The following CECR2 variants were observed in gnomAD, a reference collection of about 807,000 sequenced individuals.
CECR2 encodes chromatin remodeling regulator CECR2.
Under a neutral mutation model 154.5 loss-of-function variants are expected in CECR2, and 30 were observed. That is an observed-to-expected ratio of 0.19 (90% CI 0.15 to 0.26). CECR2 has a LOEUF of 0.26. CECR2 is among the 10% of genes least tolerant of loss of function. The probability of loss-of-function intolerance (pLI) is 1.00; values close to 1 mark genes in which losing one functional copy is unlikely to be tolerated. For synonymous variants in CECR2, 725 were observed against 683.7 expected (o/e 1.06, Z -0.94); for missense variants, 1,743 against 1,829.3 (o/e 0.95, Z 0.86).
chr22:17,375,615 G>A (rs1231906112), intron 1 of CECR2, among the ~76,000 whole-genome samples: 2 of 151,532 alleles, frequency 1.3e-5, no homozygotes, highest in African/African-American at 4.9e-5. Flanking sequence ...TTTAAAACAG[G>A]GTGATTAGTA....
chr22:17,434,125 A>G (rs1601350589), intron 1 of CECR2, among the ~76,000 whole-genome samples: 1 of 148,356 alleles, frequency 6.7e-6, no homozygotes, highest in South Asian at 2.2e-4. Flanking sequence ...GTGTCAGGCC[A>G]CTTTTTCTGT....
At chr22:17,513,852 G>A (rs530009132) in intron 8 of CECR2, among the ~76,000 whole-genome samples, 4 of 152,324 alleles carry the variant, frequency 2.6e-5, no homozygotes, top group African/African-American at 9.6e-5. Context: ...AGACTGCATA[G>A]CAGGCTGAAT....
At chr22:17,372,921 T>TC (rs1343934692) in intron 1 of CECR2, among the ~76,000 whole-genome samples, 11 of 152,286 alleles carry the variant, frequency 7.2e-5, no homozygotes, top group African/African-American at 2.4e-4. Context: ...GGACTCGGCT[T>TC]CCATTTATCT....
At chr22:17,402,335 T>C (rs555993520) in intron 1 of CECR2, among the ~76,000 whole-genome samples, 2 of 152,288 alleles carry the variant, frequency 1.3e-5, no homozygotes, top group East Asian at 3.9e-4. Flanking sequence ...CATTTTAGAT[T>C]TATAGAATAG....
chr22:17,419,039 C>T (rs1056699657), intron 1 of CECR2: 3 of 163,404 alleles, frequency 1.8e-5, no homozygotes, highest in South Asian at 1.4e-4. Context: ...ACCGCGGAGG[C>T]GCCTTCCCAG....
At chr22:17,518,633 T>C in intron 8 of CECR2, 1 of 434,154 alleles carries the variant, frequency 2.3e-6, no homozygotes, top group Non-Finnish European at 4.7e-6. Context: ...GGCTTGGCAC[T>C]CCATGCACAC....
chr22:17,510,239 A>G (rs112379656), intron 7 of CECR2, among the ~76,000 whole-genome samples: 15 of 152,308 alleles, frequency 9.8e-5, no homozygotes, highest in African/African-American at 3.4e-4. Context: ...TTTTGCAACT[A>G]TCATGGTAAA....
chr22:17,427,274 T>C (rs1160421346), intron 1 of CECR2, among the ~76,000 whole-genome samples: 1 of 152,164 alleles, frequency 6.6e-6, no homozygotes, highest in Non-Finnish European at 1.5e-5. Context: ...GATAGACATT[T>C]GGGTTGATTC....
At chr22:17,424,680 T>G (rs904977571) in intron 1 of CECR2, 9 of 161,402 alleles carry the variant, frequency 5.6e-5, no homozygotes, top group African/African-American at 2.2e-4. Flanking sequence ...GTGCTCATCG[T>G]CCCCCTGTGG....
Position 17,424,661 on chromosome 22 carries a change from G to A in CECR2, c.127-52927G>A, listed in dbSNP as rs1229902495. The A allele has an allele frequency of 2.5e-5, 4 of 163,190 alleles. No individual in the cohort carries two copies. In the East Asian group the frequency reaches 5.8e-4, roughly 24 times the overall value. 10.1% of individuals were successfully genotyped at this position (163,190 alleles called of 1,614,324 possible). ...CAAAGTACACTCAGAAATGGAAGGC[G>A]ATGTCTGAGTGCTCATCGTCCCCCT... On this transcript the variant is annotated intron_variant, in intron 1 of 18. Transcript: ENST00000262608.
chr22:17,517,046 T>G (rs1378979778), intron 8 of CECR2, among the ~76,000 whole-genome samples: 1 of 151,334 alleles, frequency 6.6e-6, no homozygotes, highest in Non-Finnish European at 1.5e-5. Context: ...GCCTGGCTAA[T>G]TTTTGTATTT....
chr22:17,457,582 A>G (rs551380829), intron 1 of CECR2, among the ~76,000 whole-genome samples: 14 of 152,246 alleles, frequency 9.2e-5, no homozygotes, highest in Admixed American at 9.2e-4. Flanking sequence ...CCCAACAGCT[A>G]GACGGTTGCC....
At chr22:17,533,375 A>G (rs2056389149) in intron 9 of CECR2, among the ~76,000 whole-genome samples, 1 of 151,954 alleles carries the variant, frequency 6.6e-6, no homozygotes, top group Non-Finnish European at 1.5e-5. Context: ...CACACCTACA[A>G]TCCCAGCACC....
At chr22:17,489,896 G>A (rs1217334760) in intron 2 of CECR2, among the ~76,000 whole-genome samples, 1 of 73,278 alleles carries the variant, frequency 1.4e-5, no homozygotes, top group Non-Finnish European at 2.9e-5. Context: ...TTTTTTTTTT[G>A]CTTCTTTGGA....
At position 17,494,348 on chromosome 22, in the gene CECR2, G is replaced by A. The variant is rs576043684; in HGVS notation, c.222-3055G>A. The stretch of plus-strand genomic sequence containing the variant: ...ATTACAGGCGTGAGCCACCATGCCT[G>A]GCCAAACTTTTTCATTTTCAAATTC... On this transcript the variant is annotated intron_variant, in intron 2 of 18. Transcript: ENST00000262608. Among the ~76,000 whole-genome samples, 36 of 152,246 alleles carry A rather than the reference G, an allele frequency of 2.4e-4. 1 individual carries two copies. In the South Asian group the frequency reaches 6.2e-3, roughly 26 times the overall value.
chr22:17,416,846 A>G (rs1231882144), intron 1 of CECR2, among the ~76,000 whole-genome samples: 1 of 152,074 alleles, frequency 6.6e-6, no homozygotes, highest in Admixed American at 6.6e-5. Flanking sequence ...CCAATTTGGA[A>G]CCTTAGATTG....
intron 1 of CECR2, among the ~76,000 whole-genome samples, chr22:17,465,969 GCA>G (rs537187924): frequency 6.4e-4 from 97 of 152,210 alleles, no homozygotes; most frequent in African/African-American, 2.2e-3. Flanking sequence ...AATCCTCAGA[GCA>G]TTTATTGAAC....
At chr22:17,433,749 C>T (rs971091602) in intron 1 of CECR2, among the ~76,000 whole-genome samples, 1 of 152,160 alleles carries the variant, frequency 6.6e-6, no homozygotes, top group Non-Finnish European at 1.5e-5. Flanking sequence ...ACGTGGCCTC[C>T]TATCTTCACA....
At chr22:17,466,945 G>A (rs12373987) in intron 1 of CECR2, among the ~76,000 whole-genome samples, 2 of 151,918 alleles carry the variant, frequency 1.3e-5, no homozygotes, top group African/African-American at 2.4e-5. Flanking sequence ...CCTCGTTCCC[G>A]TATGTGCTTT....
Sources: gnomAD v4.1 joint callset for allele counts (sites outside exome capture counted in the v4.1 genomes callset) on GRCh38, gnomAD v4.1.1 for gene constraint, MANE v1.5 for transcripts, NCBI Gene and HGNC (gene_info 2026-07-23, HGNC 2026-07-21) for gene names.